Variants in DCT observed in about 807,000 individuals in gnomAD.
DCT encodes the protein dopachrome tautomerase.
A neutral mutation model predicts 53.0 loss-of-function variants in DCT; 47 were observed. That is an observed-to-expected ratio of 0.89 (90% CI 0.70 to 1.13). DCT has a LOEUF of 1.13. DCT is among the 50% of genes most tolerant of loss of function. The pLI, the probability that DCT is intolerant of heterozygous loss-of-function variation, is 0.00. For missense variants in DCT, 669 were observed against 637.4 expected, an observed-to-expected ratio of 1.05 and a Z score of -0.53; for synonymous variants, 244 against 237.0, an observed-to-expected ratio of 1.03 and a Z score of -0.27.
chr13:94,454,839 T>C (rs899225953), intron 6 of DCT, among the ~76,000 whole-genome samples: 1 of 152,192 alleles, frequency 6.6e-6, no homozygotes, highest in Non-Finnish European at 1.5e-5. Flanking sequence ...CCTAAAGTAA[T>C]GGTGAGTTCT....
intron 6 of DCT, among the ~76,000 whole-genome samples, chr13:94,459,544 T>C (rs61964063): frequency 0.25 from 37,926 of 152,092 alleles, 5,068 homozygotes; most frequent in African/African-American, 0.31. Flanking sequence ...TGTCTGCTGT[T>C]GATGTTCTAG....
chr13:94,439,786 C>A lies in DCT; in HGVS notation c.*112G>T. On this transcript the variant is annotated 3_prime_UTR_variant, in exon 8 of 8. Transcript: ENST00000377028. ...TGAGATCATCATCACTATAGAAGAACCTATGTCAAAGATCTTCAACTCAAG... is the reference window on the plus strand; with the variant it reads ...TGAGATCATCATCACTATAGAAGAAACTATGTCAAAGATCTTCAACTCAAG... 1.3e-6 allele frequency: 1 copy of A among 789,192 alleles called. No individual in the cohort carries two copies. Among genetic ancestry groups the A allele is most frequent in the Non-Finnish European group, 2.0e-6 (1 of 493,460 alleles). 48.9% of individuals were successfully genotyped at this position (789,192 alleles called of 1,614,324 possible). A position where few individuals can be genotyped will look rare whatever the true frequency, so the allele number is the denominator to read the frequency against.
intron 6 of DCT, among the ~76,000 whole-genome samples, chr13:94,448,987 G>A (rs941875742): frequency 1.3e-5 from 2 of 151,566 alleles, no homozygotes; most frequent in African/African-American, 2.4e-5. Flanking sequence ...CTACGTTTTG[G>A]TATTAGAAAC....
At chr13:94,500,462 A>G in the DCT span, among the ~76,000 whole-genome samples, 48 of 152,318 alleles carry the variant, frequency 3.2e-4, no homozygotes, top group African/African-American at 1.1e-3. Context: ...CTCCCACAAC[A>G]TGTGGGAATT....
At chr13:94,445,711 A>C in intron 6 of DCT, 3 of 1,579,138 alleles carry the variant, frequency 1.9e-6, no homozygotes, top group Non-Finnish European at 2.6e-6. Flanking sequence ...TCCCAGGCTC[A>C]TGGTTACCAG....
At chr13:94,546,035 G>A in the DCT span, among the ~76,000 whole-genome samples, 3 of 152,088 alleles carry the variant, frequency 2.0e-5, no homozygotes, top group Non-Finnish European at 4.4e-5. This position sits in a 1 kb window ranked among gnomAD's most constrained non-coding sequence, Gnocchi z 4.2. Flanking sequence ...AGAATTCTAT[G>A]CACCATCTGA....
rs1285906904 is a variant in DCT, at chr13:94,465,754, C to T, written c.742G>A (p.Ala248Thr). 1 of 1,612,294 alleles carries T rather than the reference C, an allele frequency of 6.2e-7. No homozygotes were observed. Among genetic ancestry groups the T allele is most frequent in the East Asian group, 2.2e-5 (1 of 44,702 alleles). Residue 248 changes from alanine (A) to threonine (T), a missense_variant, in exon 4 of 8, where the codon GCC becomes ACC. Transcript: ENST00000377028. ...ACATCACACTCGTTCCTCCCAGTGG[C>T]AAAGTTCCAGTAGGGCAAAGCAAAA... ...ESFALPYWNF[A>T]TGRNECDVCT...
At chr13:94,483,849 C>T (rs1008195182), upstream of DCT, among the ~76,000 whole-genome samples, 13 of 152,080 alleles carry the variant, frequency 8.5e-5, no homozygotes, top group Admixed American at 2.0e-4. Context: ...GTCTTTTTTA[C>T]GGACAACACA....
Position 94,465,793 on chromosome 13 carries a change from T to C in DCT, c.703A>G (p.Ile235Val), listed in dbSNP as rs758291069. The C allele has an allele frequency of 1.2e-6, 2 of 1,610,384 alleles. No individual in the cohort carries two copies. The highest frequency in any genetic ancestry group is 1.1e-5 in the South Asian group (1 of 90,668). Residue 235 changes from isoleucine (I) to valine (V), a missense_variant, in exon 4 of 8, where the codon ATT (isoleucine) becomes GTT (valine). Coordinates refer to ENST00000377028, the MANE Select transcript of DCT (RefSeq NM_001922.5). ...LCLERDLQRL[I>V]GNESFALPYW... ...GGCAAAGCAAAAGACTCATTGCCAA[T>C]GAGTCGCTAAAAGCAAAGGGCAGGC...
chr13:94,444,015 A>T (rs1882545531), intron 6 of DCT, among the ~76,000 whole-genome samples: 1 of 152,220 alleles, frequency 6.6e-6, no homozygotes. Context: ...GAAATTCAGA[A>T]AAAGGCAAGT....
the DCT span, among the ~76,000 whole-genome samples, chr13:94,513,706 G>T: frequency 1.3e-5 from 2 of 152,000 alleles, no homozygotes; most frequent in East Asian, 3.9e-4. Context: ...GATAGATACC[G>T]CTGGGCACGG....
chr13:94,532,792 TAAAC>T, the DCT span, among the ~76,000 whole-genome samples: 1 of 151,950 alleles, frequency 6.6e-6, no homozygotes, highest in African/African-American at 2.4e-5. Flanking sequence ...TAATAAAAAA[TAAAC>T]AAATAAATAA....
chr13:94,547,487 C>G, the DCT span, among the ~76,000 whole-genome samples: 2 of 152,052 alleles, frequency 1.3e-5, 1 homozygote, highest in Non-Finnish European at 2.9e-5. Context: ...CTGCCTTATG[C>G]CCTTCAGTCG....
At chr13:94,498,632 G>A in the DCT span, among the ~76,000 whole-genome samples, 1 of 152,216 alleles carries the variant, frequency 6.6e-6, no homozygotes, top group African/African-American at 2.4e-5. Context: ...AAGCCACCCA[G>A]TTTACAGTAA....
the DCT span, among the ~76,000 whole-genome samples, chr13:94,502,425 C>T: frequency 2.3e-4 from 35 of 152,284 alleles, no homozygotes; most frequent in South Asian, 4.1e-4. Flanking sequence ...CCATAGTTCT[C>T]GGCTTACTTT....
the DCT span, among the ~76,000 whole-genome samples, chr13:94,489,831 T>C: frequency 6.6e-6 from 1 of 152,282 alleles, no homozygotes; most frequent in South Asian, 2.1e-4. Context: ...TAATAATTTT[T>C]TTCTGGAAAC....
chr13:94,459,156 G>T (rs1883613017), intron 6 of DCT, among the ~76,000 whole-genome samples: 1 of 152,166 alleles, frequency 6.6e-6, no homozygotes, highest in Admixed American at 6.5e-5. Context: ...TGAGATTACA[G>T]TCATGAGCCA....
At chr13:94,443,860 G>A (rs1422480101) in intron 6 of DCT, among the ~76,000 whole-genome samples, 2 of 152,158 alleles carry the variant, frequency 1.3e-5, no homozygotes, top group Non-Finnish European at 1.5e-5. Context: ...AAGAAAAACA[G>A]TTAAGTTTTC....
At chr13:94,516,830 C>T in the DCT span, among the ~76,000 whole-genome samples, 3 of 152,030 alleles carry the variant, frequency 2.0e-5, no homozygotes, top group East Asian at 5.8e-4. Context: ...CTTCTCAGCC[C>T]CCATAACTGT....
Sources: allele counts gnomAD v4.1 joint callset (sites outside exome capture counted in the v4.1 genomes callset), GRCh38; gene constraint gnomAD v4.1.1; non-coding constraint Gnocchi (gnomAD v3.1); transcripts MANE v1.5; gene names NCBI Gene and HGNC (gene_info 2026-07-23, HGNC 2026-07-21).